Variants in BIN1 observed in about 807,000 individuals in gnomAD.
BIN1 encodes the protein bridging integrator 1, also known as myc box-dependent-interacting protein 1.
Under a neutral mutation model 82.0 loss-of-function variants are expected in BIN1, and 53 were observed. That is an observed-to-expected ratio of 0.65 (90% confidence interval 0.52 to 0.81). The LOEUF is 0.81. Among genes scored for constraint, BIN1 ranks in the 40% least tolerant of loss-of-function variants. The probability of loss-of-function intolerance (pLI) is 0.00; values close to 1 mark genes in which losing one functional copy is unlikely to be tolerated. For synonymous variants in BIN1, 302 were observed against 328.0 expected, an observed-to-expected ratio of 0.92 and a Z score of 0.86; for missense variants, 642 against 784.4, an observed-to-expected ratio of 0.82 and a Z score of 2.17.
Position 127,086,522 on chromosome 2 carries a change from T to TG in BIN1, c.85-9817_85-9816insC, listed in dbSNP as rs1558865876. Among the ~76,000 whole-genome samples the TG allele has an allele frequency of 4.7e-5, 7 of 150,064 alleles. No individual in the cohort carries two copies. The South Asian group carries it at 1.3e-3, about 27-fold the overall frequency. On this transcript the variant is annotated intron_variant, in intron 1 of 18. Coordinates refer to ENST00000316724, the MANE Select transcript of BIN1 (RefSeq NM_139343.3). Reference sequence around the variant, plus strand: ...ATCCATCTTTTTTTCTTTTTTTTTTTTTTAAGACAGAATCTCGCTCTGTTG... The same window carrying TG: ...ATCCATCTTTTTTTCTTTTTTTTTTTGTTTAAGACAGAATCTCGCTCTGTTG...
chr2:127,058,983 G>A (rs1271251348), intron 11 of BIN1, 28 bp downstream of exon 11: 1 of 1,553,014 alleles, frequency 6.4e-7, no homozygotes, highest in Non-Finnish European at 8.7e-7. Flanking sequence ...GGAGGGCAGG[G>A]GACCTGCTAC....
chr2:127,088,078 T>G (rs1051338669), intron 1 of BIN1, among the ~76,000 whole-genome samples: 3 of 151,862 alleles, frequency 2.0e-5, no homozygotes, highest in Non-Finnish European at 4.4e-5. Context: ...CTGTGAAGAG[T>G]CCCCACCCCG....
rs537931290 is a variant in BIN1 at position 127,051,341 on chromosome 2, C to T, written c.1372-98G>A. 5.2e-4 allele frequency: 642 copies of T among 1,230,494 alleles called. 1 individual carries two copies. The highest frequency in any genetic ancestry group is 2.6e-3 in the Middle Eastern group (14 of 5,378). The allele number at this position is 1,230,494 out of a possible 1,614,324, so 76.2% of individuals were successfully genotyped here. Reference sequence around the variant, plus strand: ...GAGGGCAGCACCCAAGCGACAGGGCCGGGGGCATCGCCTGGCTGGCAGCAG... The same window carrying T: ...GAGGGCAGCACCCAAGCGACAGGGCTGGGGGCATCGCCTGGCTGGCAGCAG... On this transcript the variant is annotated intron_variant, in intron 15 of 18. Coordinates refer to ENST00000316724, the MANE Select transcript of BIN1 (RefSeq NM_139343.3).
At chr2:127,063,891 G>A (rs1413322690) in intron 8 of BIN1, 42 bp downstream of exon 8, 2 of 1,610,774 alleles carry the variant, frequency 1.2e-6, no homozygotes, top group Non-Finnish European at 1.7e-6. Context: ...CACGCAGACT[G>A]GACACTGCCC....
At position 127,090,848 on chromosome 2, in the gene BIN1, T is replaced by C. The variant is rs1334723674; in HGVS notation, c.85-14142A>G. On this transcript the variant is annotated intron_variant, in intron 1 of 18. Transcript: ENST00000316724. The surrounding 1 kb of genome is among the most constrained non-coding windows in gnomAD (Gnocchi z 6.4). ...CTCCCACAGTCTTCATTAGGAAACT[T>C]TGCCTCCCTAGCAATGCCAGGCTAT... Among the ~76,000 whole-genome samples, 8 of 152,110 alleles carry C rather than the reference T, an allele frequency of 5.3e-5. No homozygotes were observed. The highest frequency in any genetic ancestry group is 1.9e-4 in the African/African-American group (8 of 41,402).
Position 127,070,686 on chromosome 2 carries a change from T to C in BIN1, c.221-39A>G, listed in dbSNP as rs781216031. The C allele has an allele frequency of 5.6e-5, 90 of 1,613,704 alleles. No homozygotes were observed. In the East Asian group the frequency reaches 1.7e-3, roughly 31 times the overall value. On this transcript the variant is annotated intron_variant, in intron 3 of 18. Transcript: ENST00000316724. ...AGGAAGTATGTGGGCCTCCCACTGA[T>C]AGCGCTTGTCCCACCCTCCCCAGCT...
chr2:127,104,588 C>T (rs73953240), intron 1 of BIN1, among the ~76,000 whole-genome samples: 79 of 152,328 alleles, frequency 5.2e-4, no homozygotes, highest in African/African-American at 1.9e-3. Flanking sequence ...ACTGGAATTG[C>T]CCTATTACCC....
At chr2:127,088,015 C>T (rs1678410209) in intron 1 of BIN1, among the ~76,000 whole-genome samples, 1 of 152,210 alleles carries the variant, frequency 6.6e-6, no homozygotes. Context: ...CCAGCTTCTT[C>T]CCCACCCAGC....
chr2:127,099,099 C>T (rs1313407144), intron 1 of BIN1, among the ~76,000 whole-genome samples: 6 of 152,208 alleles, frequency 3.9e-5, no homozygotes, highest in Non-Finnish European at 8.8e-5. Flanking sequence ...GCATCCCTCC[C>T]GCTCCCACCC....
rs1248544583 is a variant in BIN1 at position 127,093,307 on chromosome 2, C to T, written c.84+13553G>A. On this transcript the variant is annotated intron_variant, in intron 1 of 18. Coordinates refer to ENST00000316724, the MANE Select transcript of BIN1 (RefSeq NM_139343.3). This position sits in a 1 kb window ranked among gnomAD's most constrained non-coding sequence, Gnocchi z 5.7. ...TTCTCCTGCCCTTCTGTCTCTCTCCCCTCTTTTTCCCTGCCCAGGTGAGTC... is the reference window on the plus strand; with the variant it reads ...TTCTCCTGCCCTTCTGTCTCTCTCCTCTCTTTTTCCCTGCCCAGGTGAGTC... 6.6e-6 allele frequency among the ~76,000 whole-genome samples: 1 copy of T among 152,218 alleles called. No homozygotes were observed. The highest frequency in any genetic ancestry group is 1.5e-5 in the Non-Finnish European group (1 of 68,042).
rs1217735181 is a variant in BIN1 at position 127,060,471 on chromosome 2, G to A, written c.858-1316C>T. 4.9e-5 allele frequency: 70 copies of A among 1,421,176 alleles called. 1 individual carries two copies. Among genetic ancestry groups the A allele is most frequent in the Middle Eastern group, 2.2e-4 (1 of 4,622 alleles). 88.0% of individuals were successfully genotyped at this position (1,421,176 alleles called of 1,614,324 possible). A position where few individuals can be genotyped will look rare whatever the true frequency, so the allele number is the denominator to read the frequency against. Reference sequence around the variant, plus strand: ...CCAACACGCACACGACAGCCCTGCCGGGCAGCACTGCACACAGAGCCAGAT... The same window carrying A: ...CCAACACGCACACGACAGCCCTGCCAGGCAGCACTGCACACAGAGCCAGAT... On this transcript the variant is annotated intron_variant, in intron 10 of 18. Coordinates refer to ENST00000316724, the MANE Select transcript of BIN1 (RefSeq NM_139343.3).
At position 127,063,658 on chromosome 2, in the gene BIN1, C is replaced by T. The variant is rs751181984; in HGVS notation, c.699-12G>A. On this transcript the variant is annotated splice_polypyrimidine_tract_variant and intron_variant, in intron 8 of 18. Coordinates refer to ENST00000316724, the MANE Select transcript of BIN1 (RefSeq NM_139343.3). The stretch of plus-strand genomic sequence containing the variant: ...AGAAACCTACGCGGCTACAGAAGGG[C>T]GGAAGGATGGGGGCCAGGTGAACAG... The T allele has an allele frequency of 7.4e-6, 12 of 1,612,504 alleles. 1 individual carries two copies. The highest frequency in any genetic ancestry group is 2.2e-5 in the South Asian group (2 of 90,798).
chr2:127,076,731 A>T, intron 1 of BIN1, 25 bp from the exon 2 acceptor site: 3 of 1,613,376 alleles, frequency 1.9e-6, no homozygotes, highest in Non-Finnish European at 2.5e-6. Flanking sequence ...AGAGAAGGGG[A>T]GAGTGTTACC....
At position 127,069,028 on chromosome 2, in the gene BIN1, G is replaced by A. The variant is rs777348282; in HGVS notation, c.415C>T (p.Arg139Cys). 8.7e-6 allele frequency: 14 copies of A among 1,613,766 alleles called. No homozygotes were observed. The highest frequency in any genetic ancestry group is 1.1e-5 in the South Asian group (1 of 91,088). The part of the protein sequence containing the change: ...YLGQFPDIKS[R>C]IAKRGRKLVD... ...AGCTTGCGCCCCCGCTTGGCAATGC[G>A]TGACTGGGGCAGACAGAGGAGGGCA... The change falls in exon 6 of 19, where the codon CGC (arginine) becomes TGC (cysteine). Residue 139 changes from arginine to cysteine, a missense_variant. By Grantham distance (180) the Arg-to-Cys change is radical (BLOSUM62 -3). Coordinates refer to ENST00000316724, the MANE Select transcript of BIN1 (RefSeq NM_139343.3).
chr2:127,106,820 GGCTGGGACTCCGCGGCT>G (rs1367810250), intron 1 of BIN1, 23 bp downstream of exon 1: 5 of 1,565,852 alleles, frequency 3.2e-6, no homozygotes, highest in East Asian at 4.8e-5. Flanking sequence ...GCTCCGCGGC[GGCTGGGACTCCGCGGCT>G]GCTGGGGCTC....
chr2:127,076,576 G>A (rs1328761871), intron 2 of BIN1, 50 bp downstream of exon 2: 4 of 1,605,940 alleles, frequency 2.5e-6, no homozygotes, highest in Non-Finnish European at 3.4e-6. Flanking sequence ...TTTTCACCTG[G>A]CAGCCGAATT....
Position 127,068,920 on chromosome 2 carries a change from T to C in BIN1, c.519+4A>G, listed in dbSNP as rs1429919147. 17 of 1,613,596 alleles carry C rather than the reference T, an allele frequency of 1.1e-5. No homozygotes were observed. The highest frequency in any genetic ancestry group is 2.2e-5 in the East Asian group (1 of 44,894). ...CGCTGCCCCGACCCGCCTCCAGCCC[T>C]TACCTTGGCAATTTTGGCTTCATCC... On this transcript the variant is annotated splice_donor_region_variant and intron_variant, in intron 6 of 18. Transcript: ENST00000316724. This position sits in a 1 kb window ranked among gnomAD's most constrained non-coding sequence, Gnocchi z 4.9.
chr2:127,098,998 T>C (rs866797787), intron 1 of BIN1, among the ~76,000 whole-genome samples: 2 of 152,300 alleles, frequency 1.3e-5, no homozygotes, highest in South Asian at 2.1e-4. Context: ...GGGAGTGTGA[T>C]GAGGAGCGAT....
chr2:127,052,394 G>A, intron 14 of BIN1, 32 bp from the exon 15 acceptor site: 1 of 1,549,630 alleles, frequency 6.5e-7, no homozygotes, highest in Non-Finnish European at 8.7e-7. Context: ...AGAACAGGGA[G>A]GGGGCGGGGA....
Sources: allele counts gnomAD v4.1 joint callset (sites outside exome capture counted in the v4.1 genomes callset), GRCh38; gene constraint gnomAD v4.1.1; non-coding constraint Gnocchi (gnomAD v3.1); transcripts MANE v1.5; gene names NCBI Gene and HGNC (gene_info 2026-07-23, HGNC 2026-07-21).